The following SRRM2 variants were observed in gnomAD, a reference collection of about 807,000 sequenced individuals.
The protein encoded by SRRM2 is serine/arginine repetitive matrix 2.
A neutral mutation model predicts 213.8 loss-of-function variants in SRRM2; 30 were observed. The observed-to-expected ratio is 0.14, with a 90% CI of 0.10 to 0.19. The LOEUF (loss-of-function observed/expected upper bound fraction) is 0.19, where lower values mean the gene tolerates loss of function less well. Among genes scored for constraint, SRRM2 ranks in the 10% least tolerant of loss-of-function variants. The pLI is 1.00. For missense variants in SRRM2, 4,904 were observed against 3,647.0 expected (o/e 1.34, Z -8.88); for synonymous variants, 2,025 against 1,377.7 (o/e 1.47, Z -10.40).
At chr16:2,770,547 C>A in intron 13 of SRRM2, 57 bp from the exon 14 acceptor site, 1 of 1,552,504 alleles carries the variant, frequency 6.4e-7, no homozygotes, top group East Asian at 2.4e-5. Flanking sequence ...GCGGTTGTGG[C>A]TATGTGGTGC....
At chr16:2,770,044 C>A in intron 12 of SRRM2, 1 of 966,326 alleles carries the variant, frequency 1.0e-6, no homozygotes, top group Non-Finnish European at 1.4e-6. Flanking sequence ...TCCCTTGGGT[C>A]CCCAGAGCCA....
At chr16:2,753,455 G>A (rs1472268802) in intron 1 of SRRM2, 1 of 152,268 alleles carries the variant, frequency 6.6e-6, no homozygotes, top group Non-Finnish European at 1.5e-5. Flanking sequence ...TGAGTTGTTA[G>A]TGGCGGGGAG....
chr16:2,768,079 G>T lies in SRRM2; in HGVS notation c.7551G>T (p.Gln2517His). 6.2e-7 allele frequency: 1 copy of T among 1,614,168 alleles called. No homozygotes were observed. Among genetic ancestry groups the T allele is most frequent in the Non-Finnish European group, 8.5e-7 (1 of 1,180,018 alleles). The change falls in exon 11 of 15, where the codon CAG becomes CAT. Residue 2517 changes from glutamine to histidine, a missense_variant. Coordinates refer to ENST00000301740, the MANE Select transcript of SRRM2 (RefSeq NM_016333.4). ...CACCTGCCTCTACTGGGGCCCAGCA[G>T]CCTTCTGCATTAGCCGCCCTGCAGC... ...GEPPASTGAQ[Q>H]PSALAALQPA... is the part of the protein sequence containing the mutation.
Position 2,765,828 on chromosome 16 carries a change from C to T in SRRM2, c.5300C>T (p.Pro1767Leu). The T allele has an allele frequency of 6.2e-7, 1 of 1,614,152 alleles. No individual in the cohort carries two copies. The highest frequency in any genetic ancestry group is 8.5e-7 in the Non-Finnish European group (1 of 1,180,044). ...SRRGRSPSPK[P>L]RGLQRSRSRS... is the part of the protein sequence containing the mutation. ...AGAGGCCGCTCTCCTTCGCCAAAGC[C>T]TCGTGGACTCCAGAGGTCCCGTTCC... The change falls in exon 11 of 15, where the codon CCT becomes CTT. Residue 1767 changes from proline to leucine, a missense_variant. Coordinates refer to ENST00000301740, the MANE Select transcript of SRRM2 (RefSeq NM_016333.4).
At position 2,767,915 on chromosome 16, in the gene SRRM2, A is replaced by T. The variant is rs373191015; in HGVS notation, c.7387A>T (p.Ile2463Phe). Reference sequence around the variant, plus strand: ...TTTTTCAGACCAATCCCGTTGTTTGATTGCCCAGACCACCCCTGTAGCAGG... The same window carrying T: ...TTTTTCAGACCAATCCCGTTGTTTGTTTGCCCAGACCACCCCTGTAGCAGG... Reference protein sequence around the residue: ...SAFSDQSRCLIAQTTPVAGSQ... With the variant: ...SAFSDQSRCLFAQTTPVAGSQ... The change falls in exon 11 of 15, where the codon ATT becomes TTT. Residue 2463 changes from isoleucine (I) to phenylalanine (F), a missense_variant. Physicochemically the swap from Ile to Phe is conservative, Grantham distance 21. Coordinates refer to ENST00000301740, the MANE Select transcript of SRRM2 (RefSeq NM_016333.4). The T allele has an allele frequency of 6.2e-7, 1 of 1,614,016 alleles. No individual in the cohort carries two copies. Among genetic ancestry groups the T allele is most frequent in the Non-Finnish European group, 8.5e-7 (1 of 1,180,022 alleles).
At position 2,765,400 on chromosome 16, in the gene SRRM2, T is replaced by C. The variant is rs1329166256; in HGVS notation, c.4872T>C (p.Pro1624=). ...GTGGTTCTGATTCCTCTCCTGAACC[T>C]AAAGCTCCAGCCCCTCGGGCCCTTC... ...AQSGSDSSPE[P]KAPAPRALPR... The change falls in exon 11 of 15, where the codon CCT becomes CCC. Residue 1624 remains proline (P), a synonymous_variant. Transcript: ENST00000301740. The C allele has an allele frequency of 1.9e-6, 3 of 1,614,130 alleles. No individual in the cohort carries two copies. Among genetic ancestry groups the C allele is most frequent in the Non-Finnish European group, 1.7e-6 (2 of 1,180,020 alleles).
At position 2,764,123 on chromosome 16, in the gene SRRM2, T is replaced by A; in HGVS notation, c.3595T>A (p.Ser1199Thr). 1.2e-6 allele frequency: 2 copies of A among 1,614,154 alleles called. No homozygotes were observed. The highest frequency in any genetic ancestry group is 1.7e-6 in the Non-Finnish European group (2 of 1,180,042). Residue 1199 changes from serine (S) to threonine (T), a missense_variant, in exon 11 of 15, where the codon TCA becomes ACA. Ser to Thr is a moderately conservative substitution (Grantham distance 58). Coordinates refer to ENST00000301740, the MANE Select transcript of SRRM2 (RefSeq NM_016333.4). ...PFPVQDRPES[S>T]LVFKDTLRTP... ...TCCAGTACAGGATAGGCCTGAGTCT[T>A]CACTGGTATTCAAAGACACACTTAG... is the stretch of plus-strand genomic sequence containing the variant.
Position 2,763,883 on chromosome 16 carries a change from G to A in SRRM2, c.3355G>A (p.Gly1119Ser), listed in dbSNP as rs2068449916. 2 of 1,614,070 alleles carry A rather than the reference G, an allele frequency of 1.2e-6. No homozygotes were observed. Among genetic ancestry groups the A allele is most frequent in the Non-Finnish European group, 8.5e-7 (1 of 1,180,042 alleles). ...CAGATCTCCAATAAGACAAGATAGAGGTGAGTTCTCAGCGAGTCCTATGTT... is the reference window on the plus strand; with the variant it reads ...CAGATCTCCAATAAGACAAGATAGAAGTGAGTTCTCAGCGAGTCCTATGTT... ...ASRSPIRQDR[G>S]EFSASPMLKS... Residue 1119 changes from glycine to serine, a missense_variant, in exon 11 of 15, where the codon GGT becomes AGT. Gly to Ser is a moderately conservative substitution (Grantham distance 56). Coordinates refer to ENST00000301740, the MANE Select transcript of SRRM2 (RefSeq NM_016333.4).
intron 1 of SRRM2, among the ~76,000 whole-genome samples, chr16:2,754,532 C>T (rs1397229735): frequency 6.6e-6 from 1 of 152,158 alleles, no homozygotes; most frequent in Admixed American, 6.5e-5. Flanking sequence ...TCTGGTGATC[C>T]GCCCACCTCG....
rs768938878 is a variant in SRRM2, at chr16:2,762,583, A to G, written c.2055A>G (p.Thr685=). The part of the protein sequence containing the change: ...ARRSGRSRSR[T]PARRGRSRSR... ...GCAGTGGTCGCTCACGCTCCAGAAC[A>G]CCAGCCAGGAGAGGGAGGTCTCGGT... The change falls in exon 11 of 15, where the codon ACA becomes ACG. Residue 685 remains threonine (T), a synonymous_variant. Transcript: ENST00000301740. 9.3e-6 allele frequency: 15 copies of G among 1,613,896 alleles called. No individual in the cohort carries two copies. In the East Asian group the frequency reaches 1.1e-4, roughly 12 times the overall value.
intron 9 of SRRM2, 64 bp downstream of exon 9, chr16:2,759,725 T>C: frequency 1.3e-6 from 2 of 1,493,334 alleles, no homozygotes; most frequent in Non-Finnish European, 9.3e-7. Context: ...TTAATATTTA[T>C]TGAGCGCCCA....
At position 2,761,949 on chromosome 16, in the gene SRRM2, C is replaced by G; in HGVS notation, c.1421C>G (p.Ser474Cys). The G allele has an allele frequency of 6.2e-7, 1 of 1,614,090 alleles. No individual in the cohort carries two copies. The highest frequency in any genetic ancestry group is 8.5e-7 in the Non-Finnish European group (1 of 1,180,004). ...CGAGCAAAACGGGATAAATCACATT[C>G]TCATACCCCCTCCCGTAGGATGGGG... ...HGRAKRDKSH[S>C]HTPSRRMGRS... The change falls in exon 11 of 15, where the codon TCT (serine) becomes TGT (cysteine). Residue 474 changes from serine to cysteine, a missense_variant. By Grantham distance (112) the Ser-to-Cys change is moderately radical. Coordinates refer to ENST00000301740, the MANE Select transcript of SRRM2 (RefSeq NM_016333.4).
At position 2,768,258 on chromosome 16, in the gene SRRM2, A is replaced by C; in HGVS notation, c.7730A>C (p.Lys2577Thr). ...SLPVQPEVAL[K>T]RVPSPTPAPK... ...CCTGTGCAACCTGAGGTGGCACTGAAGAGGTGAGGGAGCTTGACTTTTAGA... is the reference window on the plus strand; with the variant it reads ...CCTGTGCAACCTGAGGTGGCACTGACGAGGTGAGGGAGCTTGACTTTTAGA... The change falls in exon 11 of 15, where the codon AAG becomes ACG. Residue 2577 changes from lysine to threonine, a missense_variant. Transcript: ENST00000301740. 2 of 1,545,638 alleles carry C rather than the reference A, an allele frequency of 1.3e-6. No homozygotes were observed. The highest frequency in any genetic ancestry group is 1.7e-6 in the Non-Finnish European group (2 of 1,147,580).
In SRRM2 at chr16:2,766,081, T is replaced by G. The variant is rs1161847371; in HGVS notation, c.5553T>G (p.Arg1851=). The G allele has an allele frequency of 1.2e-6, 2 of 1,614,012 alleles. No homozygotes were observed. Among genetic ancestry groups the G allele is most frequent in the Non-Finnish European group, 1.7e-6 (2 of 1,179,986 alleles). The change falls in exon 11 of 15, where the codon CGT becomes CGG. Residue 1851 remains arginine (R), a synonymous_variant. Coordinates refer to ENST00000301740, the MANE Select transcript of SRRM2 (RefSeq NM_016333.4). This position sits in a 1 kb window ranked among gnomAD's most constrained non-coding sequence, Gnocchi z 7.0. The part of the protein sequence containing the change: ...RSRTPPTSRK[R]SRSRTSPAPW... ...GGACACCCCCAACCAGTCGGAAGCGTTCTCGCTCACGCACATCACCAGCCC... is the reference window on the plus strand; with the variant it reads ...GGACACCCCCAACCAGTCGGAAGCGGTCTCGCTCACGCACATCACCAGCCC...
At chr16:2,757,426 G>A (rs1026104448) in intron 2 of SRRM2, 46 bp from the exon 3 acceptor site, 1 of 1,570,602 alleles carries the variant, frequency 6.4e-7, no homozygotes, top group South Asian at 1.1e-5. Flanking sequence ...CTGGGACTGG[G>A]GAAAGTGTCC....
rs2068296389 is a variant in SRRM2 at position 2,760,375 on chromosome 16, G to A, written c.908G>A (p.Arg303His). The part of the protein sequence containing the change: ...GRSPSPASGR[R>H]GEGDAPFSEP... ...AGTCCTTCCCCTGCTTCAGGGCGAC[G>A]CGGGGAGGGAGATGCGCCTTTCAGT... Residue 303 changes from arginine to histidine, a missense_variant, in exon 10 of 15, where the codon CGC becomes CAC. Arg to His is a conservative substitution (Grantham distance 29). Transcript: ENST00000301740. 5.6e-6 allele frequency: 9 copies of A among 1,613,976 alleles called. No individual in the cohort carries two copies. The highest frequency in any genetic ancestry group is 4.5e-5 in the East Asian group (2 of 44,894).
Position 2,760,478 on chromosome 16 carries a change from C to G in SRRM2, c.1011C>G (p.Asp337Glu), listed in dbSNP as rs1567225064. ...ATKQPSSPYE[D>E]KDKDKKEKSA... Reference sequence around the variant, plus strand: ...AACAGCCTAGCAGCCCTTATGAAGACAAAGATAAAGACAAGAAGGAGGTAT... The same window carrying G: ...AACAGCCTAGCAGCCCTTATGAAGAGAAAGATAAAGACAAGAAGGAGGTAT... Residue 337 changes from aspartate to glutamate, a missense_variant, in exon 10 of 15, where the codon GAC becomes GAG. By Grantham distance (45) the Asp-to-Glu change is conservative. Coordinates refer to ENST00000301740, the MANE Select transcript of SRRM2 (RefSeq NM_016333.4). 1 of 1,613,986 alleles carries G rather than the reference C, an allele frequency of 6.2e-7. No homozygotes were observed. Among genetic ancestry groups the G allele is most frequent in the Non-Finnish European group, 8.5e-7 (1 of 1,180,006 alleles).
Position 2,766,464 on chromosome 16 carries a change from G to A in SRRM2, c.5936G>A (p.Arg1979His), listed in dbSNP as rs368528722. The change falls in exon 11 of 15, where the codon CGC (arginine) becomes CAC (histidine). Residue 1979 changes from arginine to histidine, a missense_variant. Arg to His is a conservative substitution (Grantham distance 29). Transcript: ENST00000301740. The surrounding 1 kb of genome is among the most constrained non-coding windows in gnomAD (Gnocchi z 7.0). ...RSRSRTSPITRRRSRSRTSPV... is the reference protein window; with the variant it reads ...RSRSRTSPITHRRSRSRTSPV... ...CGAAGCAGAACTTCGCCTATCACTC[G>A]CAGAAGATCAAGATCCAGAACATCT... The A allele has an allele frequency of 2.5e-6, 4 of 1,614,046 alleles. No homozygotes were observed. Among genetic ancestry groups the A allele is most frequent in the East Asian group, 2.2e-5 (1 of 44,882 alleles).
chr16:2,766,571 C>G lies in SRRM2; in HGVS notation c.6043C>G (p.Arg2015Gly). 2 of 1,614,176 alleles carry G rather than the reference C, an allele frequency of 1.2e-6. No individual in the cohort carries two copies. The highest frequency in any genetic ancestry group is 1.7e-6 in the Non-Finnish European group (2 of 1,180,026). ...CCGCTCTCGAACCTCACCAGTGACA[C>G]GCCGCCGCTCTAGGTCCCGGACACC... ...RSRSRTSPVT[R>G]RRSRSRTPPA... The change falls in exon 11 of 15, where the codon CGC becomes GGC. Residue 2015 changes from arginine (R) to glycine (G), a missense_variant. By Grantham distance (125) the Arg-to-Gly change is moderately radical. Transcript: ENST00000301740. The surrounding 1 kb of genome is among the most constrained non-coding windows in gnomAD (Gnocchi z 7.0).
Sources: gnomAD v4.1 joint callset for allele counts (sites outside exome capture counted in the v4.1 genomes callset) on GRCh38, gnomAD v4.1.1 for gene constraint, Gnocchi (gnomAD v3.1) non-coding constraint, MANE v1.5 for transcripts, NCBI Gene and HGNC (gene_info 2026-07-23, HGNC 2026-07-21) for gene names.